The following EBF1 variants were observed in gnomAD, a reference collection of about 807,000 sequenced individuals.
EBF1 encodes EBF transcription factor 1, also known as transcription factor COE1.
EBF1 carries 10 observed loss-of-function variants against 68.4 expected under a neutral mutation model. The ratio of observed to expected loss-of-function variants is 0.15; its 90% CI spans 0.09 to 0.25. The LOEUF (loss-of-function observed/expected upper bound fraction) is 0.25. Ranked by LOEUF, EBF1 falls within the 10% of genes least tolerant of loss-of-function variation. The pLI, the probability that EBF1 is intolerant of heterozygous loss-of-function variation, is 1.00. For synonymous variants in EBF1, 298 were observed against 299.8 expected, an observed-to-expected ratio of 0.99 and a Z score of 0.06; for missense variants, 509 against 794.4, an observed-to-expected ratio of 0.64 and a Z score of 4.32.
intron 7 of EBF1, 38 bp from the exon 8 acceptor site, chr5:158,823,355 A>C: frequency 6.3e-7 from 1 of 1,578,880 alleles, no homozygotes; most frequent in Non-Finnish European, 8.6e-7. Context: ...ACATTTTAAT[A>C]TAAAAGCGTG....
intron 6 of EBF1, among the ~76,000 whole-genome samples, chr5:158,971,572 C>T (rs1755660825): frequency 6.6e-6 from 1 of 152,120 alleles, no homozygotes; most frequent in African/African-American, 2.4e-5. Flanking sequence ...TGACTTTTCA[C>T]TAAAAATCAG....
At chr5:158,782,495 CA>C (rs199942483) in intron 9 of EBF1, among the ~76,000 whole-genome samples, 21 of 148,578 alleles carry the variant, frequency 1.4e-4, no homozygotes, top group East Asian at 7.9e-4. Flanking sequence ...CCTGTCTCTA[CA>C]AAAAAAAAAT....
intron 6 of EBF1, among the ~76,000 whole-genome samples, chr5:159,027,365 C>T (rs1056628222): frequency 1.1e-4 from 17 of 152,134 alleles, no homozygotes; most frequent in African/African-American, 3.4e-4. Context: ...AATACAATGT[C>T]GCTTCTTCCA....
chr5:159,045,907 G>A (rs141155984), intron 6 of EBF1, among the ~76,000 whole-genome samples: 1 of 152,230 alleles, frequency 6.6e-6, no homozygotes, highest in African/African-American at 2.4e-5. Context: ...GATCCAGACA[G>A]TTCACCTTGA....
intron 8 of EBF1, among the ~76,000 whole-genome samples, chr5:158,816,824 T>G (rs73297944): frequency 3.2e-4 from 48 of 152,146 alleles, no homozygotes; most frequent in African/African-American, 1.2e-3. Context: ...ACTCTTAAAA[T>G]GTTTGACTTT....
intron 4 of EBF1, among the ~76,000 whole-genome samples, chr5:159,091,775 T>C (rs1373449679): frequency 2.0e-5 from 3 of 152,162 alleles, no homozygotes; most frequent in African/African-American, 4.8e-5. Flanking sequence ...AGAAACCTGA[T>C]AGCATTTCTG....
intron 6 of EBF1, among the ~76,000 whole-genome samples, chr5:159,001,147 C>A (rs1489187145): frequency 6.6e-6 from 1 of 152,024 alleles, no homozygotes; most frequent in Non-Finnish European, 1.5e-5. Context: ...TAAAACCATG[C>A]CATTCTTCTA....
At chr5:158,973,877 T>C (rs1426032307) in intron 6 of EBF1, among the ~76,000 whole-genome samples, 3 of 152,200 alleles carry the variant, frequency 2.0e-5, no homozygotes, top group African/African-American at 7.2e-5. Context: ...CATCTTCTGG[T>C]TCTCACCACC....
At chr5:158,883,314 A>G (rs919237268) in intron 6 of EBF1, among the ~76,000 whole-genome samples, 6 of 149,018 alleles carry the variant, frequency 4.0e-5, no homozygotes, top group African/African-American at 7.6e-5. Context: ...ATACATACAT[A>G]CATGTGTATA....
chr5:158,697,039 T>C lies in EBF1; in HGVS notation c.*2072A>G, dbSNP rs1171720995. The C allele has an allele frequency of 3.2e-5, 6 of 189,354 alleles. No homozygotes were observed. The highest frequency in any genetic ancestry group is 4.4e-5 in the Non-Finnish European group (4 of 90,122). The allele number at this position is 189,354 out of a possible 1,614,324, so 11.7% of individuals were successfully genotyped here. A position where few individuals can be genotyped will look rare whatever the true frequency, so the allele number is the denominator to read the frequency against. On this transcript the variant is annotated 3_prime_UTR_variant, in exon 16 of 16. Coordinates refer to ENST00000313708, the MANE Select transcript of EBF1 (RefSeq NM_024007.5). ...CATCCAATCTGCTGGTTTATATTTA[T>C]GTGAAAGACAGAGGAAATATACAAG...
chr5:159,088,845 T>C (rs551345342), intron 4 of EBF1, among the ~76,000 whole-genome samples: 3 of 152,236 alleles, frequency 2.0e-5, no homozygotes, highest in African/African-American at 7.2e-5. Context: ...AGTAAATCAA[T>C]TGATAGTGAA....
intron 6 of EBF1, among the ~76,000 whole-genome samples, chr5:158,993,232 G>C (rs1760742561): frequency 6.6e-6 from 1 of 152,124 alleles, no homozygotes; most frequent in African/African-American, 2.4e-5. Flanking sequence ...TATTTTAGTA[G>C]AGATGGGGTT....
chr5:158,778,223 T>C (rs986767609), intron 9 of EBF1, among the ~76,000 whole-genome samples: 1 of 152,182 alleles, frequency 6.6e-6, no homozygotes, highest in Non-Finnish European at 1.5e-5. Context: ...TGAACTCTGT[T>C]GGCAATCAGA....
At chr5:158,896,669 T>C (rs545930151) in intron 6 of EBF1, among the ~76,000 whole-genome samples, 14 of 152,354 alleles carry the variant, frequency 9.2e-5, no homozygotes, top group Admixed American at 2.6e-4. Context: ...TTTACACACA[T>C]AGGATAAAGT....
Position 158,777,898 on chromosome 5 carries a change from C to T in EBF1, c.910-359G>A, listed in dbSNP as rs1365325338. Among the ~76,000 whole-genome samples the T allele has an allele frequency of 4.6e-5, 7 of 152,108 alleles. No individual in the cohort carries two copies. In the East Asian group the frequency reaches 1.2e-3, roughly 25 times the overall value. On this transcript the variant is annotated intron_variant, in intron 9 of 15. Coordinates refer to ENST00000313708, the MANE Select transcript of EBF1 (RefSeq NM_024007.5). ...CCGTGACTCTCCAGAAGCTGATGGG[C>T]CTGGTGTTTGAACTGAGCCTGTCAA...
chr5:158,762,626 C>G, intron 10 of EBF1, among the ~76,000 whole-genome samples: 1 of 152,226 alleles, frequency 6.6e-6, no homozygotes, highest in East Asian at 1.9e-4. Flanking sequence ...AGCTCCACCT[C>G]CTGGGTTCAC....
intron 6 of EBF1, among the ~76,000 whole-genome samples, chr5:158,865,290 G>T (rs1020198553): frequency 2.0e-5 from 3 of 152,136 alleles, no homozygotes; most frequent in African/African-American, 7.2e-5. Context: ...AGCACAGCAG[G>T]TTGGTTATGA....
intron 14 of EBF1, among the ~76,000 whole-genome samples, chr5:158,709,874 C>T (rs555995431): frequency 2.0e-5 from 3 of 152,210 alleles, no homozygotes; most frequent in African/African-American, 7.2e-5. Context: ...TGCTGGTTCA[C>T]TGAGGAAGGC....
chr5:158,917,027 C>T (rs1200725599), intron 6 of EBF1, among the ~76,000 whole-genome samples: 2 of 152,208 alleles, frequency 1.3e-5, no homozygotes, highest in East Asian at 3.8e-4. Context: ...CAGGGTAAGG[C>T]TCTTTCCTGG....
Sources: gnomAD v4.1 joint callset for allele counts (sites outside exome capture counted in the v4.1 genomes callset) on GRCh38, gnomAD v4.1.1 for gene constraint, MANE v1.5 for transcripts, NCBI Gene and HGNC (gene_info 2026-07-23, HGNC 2026-07-21) for gene names.